Variants in CENPF observed in about 807,000 individuals in gnomAD.
CENPF encodes the protein centromere protein F, also known as AH antigen.
Under a neutral mutation model 307.3 loss-of-function variants are expected in CENPF, and 214 were observed. The observed-to-expected ratio is 0.70, with a 90% CI of 0.62 to 0.78. The LOEUF (loss-of-function observed/expected upper bound fraction) is 0.78, where lower values mean the gene tolerates loss of function less well. CENPF is among the 30% of genes least tolerant of loss of function. The pLI, the probability that CENPF is intolerant of heterozygous loss-of-function variation, is 0.00. For synonymous variants in CENPF, 1,259 were observed against 1,270.6 expected (o/e 0.99, Z 0.19); for missense variants, 3,401 against 3,483.9 (o/e 0.98, Z 0.60).
intron 1 of CENPF, chr1:214,605,592 C>A: frequency 8.2e-7 from 1 of 1,216,120 alleles, no homozygotes; most frequent in Non-Finnish European, 1.2e-6. Context: ...GCCCGGGGGT[C>A]CACATGCAGC....
intron 19 of CENPF, among the ~76,000 whole-genome samples, chr1:214,661,969 A>G (rs1039983856): frequency 1.3e-5 from 2 of 152,152 alleles, no homozygotes; most frequent in South Asian, 4.1e-4. Context: ...GTTATAGACC[A>G]TTCTGAAGCT....
At chr1:214,622,506 G>C (rs1004042105) in intron 7 of CENPF, among the ~76,000 whole-genome samples, 2 of 152,190 alleles carry the variant, frequency 1.3e-5, no homozygotes, top group African/African-American at 4.8e-5. Flanking sequence ...GCAAGTCACT[G>C]ATCTCTTTTA....
rs79383566 is a variant in CENPF at position 214,621,213 on chromosome 1, T to A, written c.865+267T>A. Among the ~76,000 whole-genome samples the A allele has an allele frequency of 0.1, 15,858 of 152,234 alleles. 1,184 individuals carry two copies. The highest frequency in any genetic ancestry group is 0.2 in the African/African-American group (8,362 of 41,518). The stretch of plus-strand genomic sequence containing the variant: ...AGAGGCTTTGATTTATCTTTCCAGA[T>A]GCAGGGCGAGTGGGTTGGTTACAGT... On this transcript the variant is annotated intron_variant, in intron 6 of 19. Coordinates refer to ENST00000366955, the MANE Select transcript of CENPF (RefSeq NM_016343.4).
At chr1:214,626,904 C>T (rs1196762927) in intron 7 of CENPF, among the ~76,000 whole-genome samples, 1 of 152,202 alleles carries the variant, frequency 6.6e-6, no homozygotes, top group Non-Finnish European at 1.5e-5. Flanking sequence ...TTACATTTCT[C>T]CTTTTACACT....
At chr1:214,606,300 C>CTGCCGTTCCCTGGCGT (rs1657031135) in intron 1 of CENPF, among the ~76,000 whole-genome samples, 1 of 127,916 alleles carries the variant, frequency 7.8e-6, no homozygotes, top group African/African-American at 2.8e-5. Context: ...TTCCCTGGCG[C>CTGCCGTTCCCTGGCGT]TGCCGTTCCC....
rs1658225248 is a variant in CENPF, at chr1:214,644,566, G to A, written c.4996G>A (p.Gly1666Ser). 1.3e-6 allele frequency: 2 copies of A among 1,588,082 alleles called. No homozygotes were observed. Among genetic ancestry groups the A allele is most frequent in the Non-Finnish European group, 1.7e-6 (2 of 1,166,914 alleles). Reference protein sequence around the residue: ...LGIDTEDAIQGRNESCDISKE... With the variant: ...LGIDTEDAIQSRNESCDISKE... The stretch of plus-strand genomic sequence containing the variant: ...TGTATTATAATTACAGGCTATTCAA[G>A]GCCGAAATGAGAGCTGTGACATATC... The change falls in exon 13 of 20, where the codon GGC becomes AGC. Residue 1666 changes from glycine to serine, a missense_variant. Transcript: ENST00000366955.
Position 214,637,957 on chromosome 1 carries a change from AAC to A in CENPF, c.1540_1541del (p.Gln514ValfsTer48). The A allele has an allele frequency of 6.2e-7, 1 of 1,613,340 alleles. No homozygotes were observed. The highest frequency in any genetic ancestry group is 8.5e-7 in the Non-Finnish European group (1 of 1,179,876). ...CTGGAGGCAGAACTCAAGAACATCAAACAGTGTTTAAATCAGAGCCAGAATTT... is the reference window on the plus strand; with the variant it reads ...CTGGAGGCAGAACTCAAGAACATCAAAGTGTTTAAATCAGAGCCAGAATTT... On this transcript the variant is annotated frameshift_variant, in exon 11 of 20. Transcript: ENST00000366955. LOFTEE classifies it high-confidence loss of function.
At chr1:214,652,024 C>A in intron 15 of CENPF, 138 bp downstream of exon 15, 1 of 585,038 alleles carries the variant, frequency 1.7e-6, no homozygotes, top group Non-Finnish European at 2.7e-6. Flanking sequence ...CTCACATTAA[C>A]TTCACGATCT....
In CENPF at chr1:214,640,479, A is replaced by T. The variant is rs757203549; in HGVS notation, c.2141A>T (p.His714Leu). ...QQKAEFSDQK[H>L]QKEIENMCLK... ...AAAGCTGAGTTCTCAGATCAGAAAC[A>T]TCAGAAGGAAATAGAAAATATGTGT... The change falls in exon 12 of 20, where the codon CAT becomes CTT. Residue 714 changes from histidine to leucine, a missense_variant. Physicochemically the swap from His to Leu is moderately conservative, Grantham distance 99. Coordinates refer to ENST00000366955, the MANE Select transcript of CENPF (RefSeq NM_016343.4). The T allele has an allele frequency of 6.2e-7, 1 of 1,614,144 alleles. No individual in the cohort carries two copies. Among genetic ancestry groups the T allele is most frequent in the East Asian group, 2.2e-5 (1 of 44,872 alleles).
chr1:214,617,196 C>T (rs1301353543), intron 3 of CENPF, among the ~76,000 whole-genome samples: 2 of 151,868 alleles, frequency 1.3e-5, no homozygotes, highest in Admixed American at 6.6e-5. Flanking sequence ...TACAGGTGCA[C>T]ACCACCATGC....
Position 214,605,829 on chromosome 1 carries a change from A to G in CENPF, c.-42+2508A>G, listed in dbSNP as rs1657011940. On this transcript the variant is annotated intron_variant, in intron 1 of 19. Coordinates refer to ENST00000366955, the MANE Select transcript of CENPF (RefSeq NM_016343.4). ...TCGTAGAGCGCCAGCCCGTGCGAGA[A>G]GTCGATCACCTCGTCCTCCGTGCCG... 3.1e-6 allele frequency: 5 copies of G among 1,594,668 alleles called. No homozygotes were observed. In the South Asian group the frequency reaches 5.5e-5, roughly 18 times the overall value.
At position 214,657,207 on chromosome 1, in the gene CENPF, G is replaced by A. The variant is rs747149171; in HGVS notation, c.8760G>A (p.Arg2920=). ...PSPIPSVTEK[R]LSSGQNKASG... ...CAATCCCTTCTGTTACTGAAAAGAG[G>A]TTATCATCTGGCCAAAATAAAGCTT... The change falls in exon 18 of 20, where the codon AGG becomes AGA. Residue 2920 remains arginine (R), a synonymous_variant. Coordinates refer to ENST00000366955, the MANE Select transcript of CENPF (RefSeq NM_016343.4). 6.2e-7 allele frequency: 1 copy of A among 1,614,020 alleles called. No individual in the cohort carries two copies. The highest frequency in any genetic ancestry group is 1.3e-5 in the African/African-American group (1 of 74,904).
At chr1:214,629,024 G>T (rs1571706256) in intron 7 of CENPF, 22 bp from the exon 8 acceptor site, 1 of 1,517,088 alleles carries the variant, frequency 6.6e-7, no homozygotes, top group South Asian at 1.3e-5. Context: ...ATTTTGTCTT[G>T]AACATTTTTA....
Position 214,655,355 on chromosome 1 carries a change from C to G in CENPF, c.8437C>G (p.Gln2813Glu). The G allele has an allele frequency of 6.2e-7, 1 of 1,608,588 alleles. No individual in the cohort carries two copies. The highest frequency in any genetic ancestry group is 8.5e-7 in the Non-Finnish European group (1 of 1,177,662). ...KQLEEEKEIL[Q>E]KELSQLQAAQ... ...GCTGGAAGAGGAAAAGGAGATACTG[C>G]AGAAAGAACTCTCTCAACTTCAAGC... The change falls in exon 17 of 20, where the codon CAG becomes GAG. Residue 2813 changes from glutamine (Q) to glutamate (E), a missense_variant. Transcript: ENST00000366955.
chr1:214,657,406 A>G lies in CENPF; in HGVS notation c.8959A>G (p.Lys2987Glu). ...AGAGGGACTTCCAGAAGTTGTAAAG[A>G]AAGGTATGCCTAATTTAAAGACAAA... ...EPEGLPEVVK[K>E]GFADIPTGKT... Residue 2987 changes from lysine to glutamate, a missense_variant, in exon 18 of 20, where the codon AAA becomes GAA. Transcript: ENST00000366955. 6.3e-7 allele frequency: 1 copy of G among 1,595,572 alleles called. No homozygotes were observed. The highest frequency in any genetic ancestry group is 2.2e-5 in the East Asian group (1 of 44,766).
chr1:214,621,370 A>C (rs1011277668), intron 6 of CENPF, among the ~76,000 whole-genome samples: 12 of 152,280 alleles, frequency 7.9e-5, no homozygotes, highest in African/African-American at 2.9e-4. Context: ...GGTTGTCCAT[A>C]TGGGAGCAAA....
chr1:214,609,439 GT>G (rs1404323890), intron 1 of CENPF, among the ~76,000 whole-genome samples: 3 of 152,178 alleles, frequency 2.0e-5, no homozygotes, highest in African/African-American at 7.2e-5. Context: ...TCTCAGAAAA[GT>G]TTCCCAGAGG....
intron 15 of CENPF, 56 bp from the exon 16 acceptor site, chr1:214,652,772 A>G: frequency 7.0e-7 from 1 of 1,422,806 alleles, no homozygotes. Flanking sequence ...ATTTTTTTTT[A>G]GCTGTGCCTC....
chr1:214,610,047 G>A (rs1657158977), intron 1 of CENPF, among the ~76,000 whole-genome samples: 1 of 148,890 alleles, frequency 6.7e-6, no homozygotes, highest in Non-Finnish European at 1.5e-5. Context: ...TGGTAGATAA[G>A]GGATTTTGCC....
Sources: gnomAD v4.1 joint callset for allele counts (sites outside exome capture counted in the v4.1 genomes callset) on GRCh38, gnomAD v4.1.1 for gene constraint, MANE v1.5 for transcripts, NCBI Gene and HGNC (gene_info 2026-07-23, HGNC 2026-07-21) for gene names.